The following AKAP8 variants were observed in gnomAD, a reference collection of about 807,000 sequenced individuals.
AKAP8 encodes the protein A-kinase anchoring protein 8, also known as A-kinase anchor protein 8.
A neutral mutation model predicts 67.5 loss-of-function variants in AKAP8; 24 were observed. The observed-to-expected ratio is 0.36, with a 90% CI of 0.26 to 0.50. AKAP8 has a LOEUF of 0.50. AKAP8 is among the 20% of genes least tolerant of loss of function. AKAP8 has a pLI of 0.97. For synonymous variants in AKAP8, 400 were observed against 371.1 expected, an observed-to-expected ratio of 1.08 and a Z score of -0.90; for missense variants, 971 against 955.9, an observed-to-expected ratio of 1.02 and a Z score of -0.21.
Position 15,373,344 on chromosome 19 carries a change from C to A in AKAP8, c.372-4G>T. On this transcript the variant is annotated splice_region_variant and splice_polypyrimidine_tract_variant and intron_variant, in intron 4 of 13. Coordinates refer to ENST00000269701, the MANE Select transcript of AKAP8 (RefSeq NM_005858.4). ...GAACGGCTGGAAGCGGAAGGAGCTGCAACAGAAGCACAGCCCATCAGGGGC... is the reference window on the plus strand; with the variant it reads ...GAACGGCTGGAAGCGGAAGGAGCTGAAACAGAAGCACAGCCCATCAGGGGC... 1 of 1,601,224 alleles carries A rather than the reference C, an allele frequency of 6.2e-7. No homozygotes were observed. The highest frequency in any genetic ancestry group is 1.7e-5 in the Admixed American group (1 of 59,066).
At chr19:15,378,347 A>G (rs1472654385) in intron 1 of AKAP8, among the ~76,000 whole-genome samples, 1 of 152,222 alleles carries the variant, frequency 6.6e-6, no homozygotes, top group African/African-American at 2.4e-5. Flanking sequence ...GGCACGCACT[A>G]TTAACCTTAA....
intron 9 of AKAP8, among the ~76,000 whole-genome samples, chr19:15,367,476 C>A (rs377431825): frequency 1.5e-3 from 231 of 152,194 alleles, no homozygotes; most frequent in African/African-American, 5.4e-3. Flanking sequence ...TATAGTGAGC[C>A]GAGATTATGC....
intron 9 of AKAP8, among the ~76,000 whole-genome samples, chr19:15,363,120 G>T (rs993638896): frequency 6.7e-6 from 1 of 150,330 alleles, no homozygotes; most frequent in African/African-American, 2.5e-5. Context: ...CCCTCCGCCC[G>T]GCAGCCGCCC....
In AKAP8 at chr19:15,372,994, G is replaced by A. The variant is rs1202600832; in HGVS notation, c.718C>T (p.Pro240Ser). 6.4e-7 allele frequency: 1 copy of A among 1,567,836 alleles called. No individual in the cohort carries two copies. The highest frequency in any genetic ancestry group is 1.4e-5 in the African/African-American group (1 of 73,704). The change falls in exon 5 of 14, where the codon CCC becomes TCC. Residue 240 changes from proline to serine, a missense_variant. Physicochemically the swap from Pro to Ser is moderately conservative, Grantham distance 74 (BLOSUM62 -1). This residue lies in a region of AKAP8 where 763 missense variants were observed against 745.4 expected (regional missense o/e 1.02). Coordinates refer to ENST00000269701, the MANE Select transcript of AKAP8 (RefSeq NM_005858.4). The stretch of plus-strand genomic sequence containing the variant: ...AAGAGGGACGGAGGTGGCCGGCTGG[G>A]GGAGGGCCCTCCCAGGCCCCGTCCA... ...VGGRGLGGPS[P>S]SRPPPSLFSQ...
chr19:15,373,278 G>A lies in AKAP8; in HGVS notation c.434C>T (p.Pro145Leu), dbSNP rs755272068. Residue 145 changes from proline to leucine, a missense_variant, in exon 5 of 14, where the codon CCC becomes CTC. Pro to Leu is a moderately conservative substitution (Grantham distance 98). Coordinates refer to ENST00000269701, the MANE Select transcript of AKAP8 (RefSeq NM_005858.4). Reference protein sequence around the residue: ...DSRPCLPEHNPYRPSYSYDYE... With the variant: ...DSRPCLPEHNLYRPSYSYDYE... ...GTCGTAGCTGTAGCTGGGGCGGTAG[G>A]GGTTGTGCTCCGGCAGGCAGGGCCT... 1.9e-6 allele frequency: 3 copies of A among 1,613,728 alleles called. No individual in the cohort carries two copies. The African/African-American group carries it at 4.0e-5, about 22-fold the overall frequency.
chr19:15,372,123 G>A, intron 6 of AKAP8, 95 bp downstream of exon 6: 5 of 1,608,016 alleles, frequency 3.1e-6, no homozygotes, highest in South Asian at 1.1e-5. Flanking sequence ...CATGCCACCT[G>A]CGAGTGTCCA....
At position 15,353,610 on chromosome 19, in the gene AKAP8, T is replaced by G. The variant is rs1417703383; in HGVS notation, c.*1305A>C. ...CTGGAATCTCCACTAAGGCTCCTCA[T>G]GAGCAGGGCCCAATTCCTAGAATGT... On this transcript the variant is annotated 3_prime_UTR_variant, in exon 14 of 14. Coordinates refer to ENST00000269701, the MANE Select transcript of AKAP8 (RefSeq NM_005858.4). 6.6e-6 allele frequency: 1 copy of G among 152,176 alleles called. No individual in the cohort carries two copies. The highest frequency in any genetic ancestry group is 3.2e-3 in the Middle Eastern group (1 of 316). 9.4% of individuals were successfully genotyped at this position (152,176 alleles called of 1,614,324 possible). A position where few individuals can be genotyped will look rare whatever the true frequency, so the allele number is the denominator to read the frequency against.
At chr19:15,376,364 A>G (rs1377865648) in intron 2 of AKAP8, among the ~76,000 whole-genome samples, 1 of 152,106 alleles carries the variant, frequency 6.6e-6, no homozygotes, top group Non-Finnish European at 1.5e-5. Flanking sequence ...AAAATACAAA[A>G]ATTAGCTGGG....
In AKAP8 at chr19:15,354,603, T is replaced by C. The variant is rs1382349531; in HGVS notation, c.*312A>G. 3 of 330,668 alleles carry C rather than the reference T, an allele frequency of 9.1e-6. No homozygotes were observed. The highest frequency in any genetic ancestry group is 8.8e-5 in the Admixed American group (2 of 22,792). 20.5% of individuals were successfully genotyped at this position (330,668 alleles called of 1,614,324 possible). A position where few individuals can be genotyped will look rare whatever the true frequency, so the allele number is the denominator to read the frequency against. ...AAAAAGGAAGCATTCCATCAGTGGC[T>C]GTATTGAACAAGTAATGTATCATCA... On this transcript the variant is annotated 3_prime_UTR_variant, in exon 14 of 14. Transcript: ENST00000269701.
At position 15,369,334 on chromosome 19, in the gene AKAP8, A is replaced by C; in HGVS notation, c.1072+812T>G. 1.1e-6 allele frequency: 1 copy of C among 893,672 alleles called. No homozygotes were observed. Among genetic ancestry groups the C allele is most frequent in the Non-Finnish European group, 1.3e-6 (1 of 746,246 alleles). 55.4% of individuals were successfully genotyped at this position (893,672 alleles called of 1,614,324 possible). ...CGGGTCGCGGGGGGGAGGACCGCAG[A>C]GGGCTGGCAAAGCCTGAACAGGAGG... On this transcript the variant is annotated intron_variant, in intron 8 of 13. Transcript: ENST00000269701. This position sits in a 1 kb window ranked among gnomAD's most constrained non-coding sequence, Gnocchi z 4.6.
chr19:15,359,793 G>A (rs1345871083), intron 12 of AKAP8, among the ~76,000 whole-genome samples: 1 of 152,070 alleles, frequency 6.6e-6, no homozygotes, highest in Non-Finnish European at 1.5e-5. Flanking sequence ...AGCCTGACTT[G>A]TTTGCACAAT....
Position 15,361,349 on chromosome 19 carries a change from C to CT in AKAP8, c.1397-372dup, listed in dbSNP as rs34004834. ...GCCAACTTGGGCTGGCTTCATGCCA[C>CT]TTTTTTTTTTTTTTTTTTTGAGACA... On this transcript the variant is annotated intron_variant, in intron 11 of 13. Coordinates refer to ENST00000269701, the MANE Select transcript of AKAP8 (RefSeq NM_005858.4). 6.7e-3 allele frequency: 795 copies of CT among 118,804 alleles called. 2 individuals are homozygous for CT. The highest frequency in any genetic ancestry group is 0.02 in the South Asian group (115 of 5,686). The allele number at this position is 118,804 out of a possible 1,614,324, so 7.4% of individuals were successfully genotyped here. A position where few individuals can be genotyped will look rare whatever the true frequency, so the allele number is the denominator to read the frequency against.
At chr19:15,371,639 C>A (rs1967159385) in intron 7 of AKAP8, among the ~76,000 whole-genome samples, 1 of 152,082 alleles carries the variant, frequency 6.6e-6, no homozygotes, top group African/African-American at 2.4e-5. Flanking sequence ...CAGGCAAGTG[C>A]CACCACTCCT....
At chr19:15,377,445 GC>G (rs1438918964) in intron 1 of AKAP8, among the ~76,000 whole-genome samples, 1 of 152,222 alleles carries the variant, frequency 6.6e-6, no homozygotes, top group Non-Finnish European at 1.5e-5. Context: ...GACATAAATT[GC>G]ATCTTTCTAA....
rs962150485 is a variant in AKAP8 at position 15,369,500 on chromosome 19, C to T, written c.1072+646G>A. On this transcript the variant is annotated intron_variant, in intron 8 of 13. Coordinates refer to ENST00000269701, the MANE Select transcript of AKAP8 (RefSeq NM_005858.4). This position sits in a 1 kb window ranked among gnomAD's most constrained non-coding sequence, Gnocchi z 4.6. Reference sequence around the variant, plus strand: ...TGGCTTCAGGGTGAGCTCCAGGCCGCGGCACCTCAGGCCGCTCTGCCATGA... The same window carrying T: ...TGGCTTCAGGGTGAGCTCCAGGCCGTGGCACCTCAGGCCGCTCTGCCATGA... Among the ~76,000 whole-genome samples the T allele has an allele frequency of 6.6e-5, 10 of 152,336 alleles. 1 individual carries two copies. Among genetic ancestry groups the T allele is most frequent in the African/African-American group, 2.4e-4 (10 of 41,578 alleles).
intron 2 of AKAP8, among the ~76,000 whole-genome samples, chr19:15,376,574 G>A (rs551224684): frequency 3.3e-5 from 5 of 152,236 alleles, no homozygotes; most frequent in African/African-American, 4.8e-5. Context: ...GTGGGTGGGC[G>A]TATGAAACTC....
Position 15,354,928 on chromosome 19 carries a change from A to T in AKAP8, c.2066T>A (p.Val689Asp). The change falls in exon 14 of 14, where the codon GTT becomes GAT. Residue 689 changes from valine (V) to aspartate (D), a missense_variant. Physicochemically the swap from Val to Asp is radical, Grantham distance 152 (BLOSUM62 -3). Around this residue, in one of 3 missense-constraint regions of AKAP8, gnomAD observed 204 missense variants for 193.0 expected, o/e 1.06. Transcript: ENST00000269701. ...GGGAAATGAGCATCATTCTGTGGGA[A>T]CAGCGTCTTTAGACTCTGCATCAGT... ...EQTDAESKDA[V>D]PTE 6.2e-7 allele frequency: 1 copy of T among 1,613,796 alleles called. No homozygotes were observed.
At chr19:15,366,513 C>T (rs1399210588) in intron 9 of AKAP8, among the ~76,000 whole-genome samples, 1 of 151,560 alleles carries the variant, frequency 6.6e-6, no homozygotes, top group African/African-American at 2.4e-5. Context: ...TTAAGGTTCA[C>T]ATGGAACAGT....
chr19:15,361,706 C>A (rs745871551), intron 11 of AKAP8, 23 bp downstream of exon 11: 1 of 1,590,890 alleles, frequency 6.3e-7, no homozygotes, highest in Admixed American at 1.7e-5. Context: ...CAGGAAAGCA[C>A]TCATCCTGGG....
Sources: gnomAD v4.1 joint callset for allele counts (sites outside exome capture counted in the v4.1 genomes callset) on GRCh38, gnomAD v4.1.1 for gene constraint, gnomAD v4.1.1 regional missense constraint, Gnocchi (gnomAD v3.1) non-coding constraint, MANE v1.5 for transcripts, NCBI Gene and HGNC (gene_info 2026-07-23, HGNC 2026-07-21) for gene names.